The following GPR141 variants were observed in gnomAD, a reference collection of about 807,000 sequenced individuals.
GPR141 encodes the protein probable G protein-coupled receptor 141.
GPR141 carries 6 observed loss-of-function variants against 6.8 expected under a neutral mutation model. That is an observed-to-expected ratio of 0.88 (90% CI 0.48 to 1.74). The LOEUF (loss-of-function observed/expected upper bound fraction) is 1.74. Ranked by LOEUF, GPR141 falls within the 40% of genes most tolerant of loss-of-function variation. The pLI is 0.01. For synonymous variants in GPR141, 140 were observed against 142.3 expected, an observed-to-expected ratio of 0.98 and a Z score of 0.11; for missense variants, 372 against 372.9, an observed-to-expected ratio of 1.00 and a Z score of 0.02.
chr7:37,693,796 A>G (rs1809892572), intron 2 of GPR141, among the ~76,000 whole-genome samples: 2 of 152,034 alleles, frequency 1.3e-5, no homozygotes, highest in South Asian at 4.2e-4. Context: ...AGAATACTGG[A>G]GTTGTTTTGC....
At chr7:37,720,468 A>C (rs1487400661) in intron 2 of GPR141, among the ~76,000 whole-genome samples, 1 of 152,228 alleles carries the variant, frequency 6.6e-6, no homozygotes, top group Non-Finnish European at 1.5e-5. Context: ...TTAGGCCGGC[A>C]CCATGGCTCA....
chr7:37,711,432 A>G (rs563569973), intron 2 of GPR141, among the ~76,000 whole-genome samples: 3 of 152,308 alleles, frequency 2.0e-5, no homozygotes, highest in African/African-American at 7.2e-5. Flanking sequence ...GTGTGGAAAA[A>G]TCAAGTCATG....
chr7:37,722,092 C>T (rs1207040286), intron 2 of GPR141, among the ~76,000 whole-genome samples: 1 of 152,114 alleles, frequency 6.6e-6, no homozygotes, highest in African/African-American at 2.4e-5. Flanking sequence ...AATCTATATC[C>T]ACAAATACTT....
chr7:37,728,767 T>G, intron 2 of GPR141, among the ~76,000 whole-genome samples: 1 of 151,934 alleles, frequency 6.6e-6, no homozygotes, highest in East Asian at 1.9e-4. Flanking sequence ...CAGACCAGAA[T>G]CACAAGAGAA....
intron 1 of GPR141, among the ~76,000 whole-genome samples, chr7:37,684,839 A>G (rs2131716320): frequency 6.6e-6 from 1 of 152,324 alleles, no homozygotes; most frequent in Admixed American, 6.5e-5. Flanking sequence ...TAAATCAGTT[A>G]ATTAGGATTT....
chr7:37,739,630 G>A (rs1476002732), intron 2 of GPR141, among the ~76,000 whole-genome samples: 1 of 152,170 alleles, frequency 6.6e-6, no homozygotes, highest in Non-Finnish European at 1.5e-5. Context: ...GAATTAGAAA[G>A]GACTGAGAGT....
chr7:37,692,500 G>A (rs900609556), intron 2 of GPR141, among the ~76,000 whole-genome samples: 2 of 152,054 alleles, frequency 1.3e-5, no homozygotes, highest in Non-Finnish European at 2.9e-5. Flanking sequence ...ATAATCCTTT[G>A]GGTATATACC....
intron 2 of GPR141, among the ~76,000 whole-genome samples, chr7:37,722,358 A>T (rs1304145735): frequency 1.3e-5 from 2 of 151,660 alleles, no homozygotes; most frequent in African/African-American, 4.8e-5. Context: ...TGGGAGGTTG[A>T]GGCAGGAGGA....
At chr7:37,728,930 T>C (rs1811773006) in intron 2 of GPR141, among the ~76,000 whole-genome samples, 1 of 152,036 alleles carries the variant, frequency 6.6e-6, no homozygotes, top group Non-Finnish European at 1.5e-5. Context: ...CCAGGGAAAG[T>C]TTTTAAAAAG....
intron 2 of GPR141, among the ~76,000 whole-genome samples, chr7:37,711,602 G>C (rs1300304528): frequency 2.6e-5 from 4 of 152,158 alleles, no homozygotes; most frequent in African/African-American, 9.7e-5. Context: ...AAATCCTTAA[G>C]AAAGATTCTC....
chr7:37,740,901 C>T lies in GPR141; in HGVS notation c.508C>T (p.His170Tyr). Residue 170 changes from histidine (H) to tyrosine (Y), a missense_variant, in exon 3 of 3, where the codon CAC becomes TAC. Transcript: ENST00000334425. ...EYNEEHCFKF[H>Y]KELAYTYVKI... ...CAATGAGGAGCACTGTTTTAAATTTCACAAAGAGCTTGCTTACACATATGT... is the reference window on the plus strand; with the variant it reads ...CAATGAGGAGCACTGTTTTAAATTTTACAAAGAGCTTGCTTACACATATGT... The T allele has an allele frequency of 6.2e-7, 1 of 1,614,112 alleles. No homozygotes were observed. Among genetic ancestry groups the T allele is most frequent in the Middle Eastern group, 1.6e-4 (1 of 6,062 alleles).
chr7:37,685,752 C>CTTTT (rs35789715), intron 2 of GPR141, among the ~76,000 whole-genome samples, 169 bp downstream of exon 2: 2 of 113,138 alleles, frequency 1.8e-5, no homozygotes, highest in Non-Finnish European at 3.7e-5. Context: ...CCTGGCAGCA[C>CTTTT]TTTTTTTTTT....
intron 2 of GPR141, among the ~76,000 whole-genome samples, chr7:37,693,857 A>G (rs1303679916): frequency 6.6e-6 from 1 of 152,128 alleles, no homozygotes; most frequent in Non-Finnish European, 1.5e-5. Context: ...CCTTGGATGT[A>G]GGGTGTCATG....
At chr7:37,696,441 C>T (rs1810018249) in intron 2 of GPR141, among the ~76,000 whole-genome samples, 1 of 152,178 alleles carries the variant, frequency 6.6e-6, no homozygotes, top group Admixed American at 6.5e-5. Context: ...CATGCATTAC[C>T]GCCCACTGTC....
chr7:37,697,523 T>C (rs1810077182), intron 2 of GPR141, among the ~76,000 whole-genome samples: 2 of 152,214 alleles, frequency 1.3e-5, no homozygotes, highest in African/African-American at 2.4e-5. Flanking sequence ...GCTCTAAGTG[T>C]GTCTCAGCAG....
At chr7:37,730,515 A>G (rs1269766271) in intron 2 of GPR141, among the ~76,000 whole-genome samples, 3 of 152,242 alleles carry the variant, frequency 2.0e-5, no homozygotes, top group African/African-American at 7.2e-5. Flanking sequence ...TCGTTTGATC[A>G]GAGACTGCAT....
intron 2 of GPR141, among the ~76,000 whole-genome samples, chr7:37,727,027 G>A (rs1811666403): frequency 6.6e-6 from 1 of 152,210 alleles, no homozygotes; most frequent in Non-Finnish European, 1.5e-5. Context: ...CAAGGAAGAA[G>A]TTTTTGTGTA....
chr7:37,727,907 A>G (rs1811712295), intron 2 of GPR141, among the ~76,000 whole-genome samples: 1 of 152,262 alleles, frequency 6.6e-6, no homozygotes, highest in South Asian at 2.1e-4. Flanking sequence ...GAGTGGCAAC[A>G]TGCCGTAAAT....
chr7:37,699,749 A>G (rs78979777), intron 2 of GPR141, among the ~76,000 whole-genome samples: 3,824 of 152,338 alleles, frequency 0.025, 65 homozygotes, highest in African/African-American at 0.026. Flanking sequence ...GTTGCTTTGA[A>G]TAAGTAAATA....
Sources: allele counts gnomAD v4.1 joint callset (sites outside exome capture counted in the v4.1 genomes callset), GRCh38; gene constraint gnomAD v4.1.1; transcripts MANE v1.5; gene names NCBI Gene and HGNC (gene_info 2026-07-23, HGNC 2026-07-21).